KIRREL3: variants seen among roughly 807,000 people sequenced by gnomAD.
The protein encoded by KIRREL3 is kin of IRRE-like protein 3.
Under a neutral mutation model 89.7 loss-of-function variants are expected in KIRREL3, and 36 were observed. That is an observed-to-expected ratio of 0.40 (90% CI 0.31 to 0.53). KIRREL3 has a LOEUF of 0.53. KIRREL3 is among the 20% of genes least tolerant of loss of function. The pLI is 0.49. For missense variants in KIRREL3, 864 were observed against 1,056.6 expected (o/e 0.82, Z 2.53); for synonymous variants, 445 against 441.4 (o/e 1.01, Z -0.10).
rs1956286139 is a variant in KIRREL3, at chr11:126,454,861, G to A, written c.848+1488C>T. Among the ~76,000 whole-genome samples the A allele has an allele frequency of 2.0e-5, 3 of 152,182 alleles. No homozygotes were observed. The South Asian group carries it at 6.2e-4, about 31-fold the overall frequency. On this transcript the variant is annotated intron_variant, in intron 7 of 16. Transcript: ENST00000525144. This position sits in a 1 kb window ranked among gnomAD's most constrained non-coding sequence, Gnocchi z 5.8. ...TCAAGCAAATGGTTAAACTGGACAG[G>A]ACAAATGGGTTTCATCCTATTTAAA...
rs1008172986 is a variant in KIRREL3, at chr11:126,724,869, A to T, written c.56-161957T>A. Among the ~76,000 whole-genome samples, 1 of 152,248 alleles carries T rather than the reference A, an allele frequency of 6.6e-6. No homozygotes were observed. The highest frequency in any genetic ancestry group is 2.4e-5 in the African/African-American group (1 of 41,456). On this transcript the variant is annotated intron_variant, in intron 1 of 16. Transcript: ENST00000525144. The surrounding 1 kb of genome is among the most constrained non-coding windows in gnomAD (Gnocchi z 4.3). ...ACTTTCCTGCATTCCTCTTTATCAT[A>T]GATCAACTTGTCAGTTAGTCATTCA...
intron 1 of KIRREL3, among the ~76,000 whole-genome samples, chr11:126,998,594 T>C (rs1950235908): frequency 6.6e-6 from 1 of 152,124 alleles, no homozygotes; most frequent in Admixed American, 6.5e-5. Flanking sequence ...TTAACCTCCA[T>C]AGGTAAATAT....
intron 1 of KIRREL3, among the ~76,000 whole-genome samples, chr11:126,577,592 C>CAAAAAAA (rs61210940): frequency 1.7e-5 from 2 of 115,974 alleles, no homozygotes; most frequent in African/African-American, 6.7e-5. Flanking sequence ...ACTAAAAATA[C>CAAAAAAA]AAAAAAAAAA....
rs1214147936 is a variant in KIRREL3, at chr11:126,459,787, G to T, written c.743-3333C>A. Among the ~76,000 whole-genome samples, 1 of 152,088 alleles carries T rather than the reference G, an allele frequency of 6.6e-6. No individual in the cohort carries two copies. Among genetic ancestry groups the T allele is most frequent in the Non-Finnish European group, 1.5e-5 (1 of 68,030 alleles). On this transcript the variant is annotated intron_variant, in intron 6 of 16. Coordinates refer to ENST00000525144, the MANE Select transcript of KIRREL3 (RefSeq NM_032531.4). This position sits in a 1 kb window ranked among gnomAD's most constrained non-coding sequence, Gnocchi z 4.8. ...ATGGAGGAGAGGGTGGGAAAAGAGA[G>T]AATCTTCATGACTCAGTGATTTTGT... is the stretch of plus-strand genomic sequence containing the variant.
At chr11:126,548,093 T>C (rs1938960159) in intron 2 of KIRREL3, among the ~76,000 whole-genome samples, 1 of 152,176 alleles carries the variant, frequency 6.6e-6, no homozygotes, top group African/African-American at 2.4e-5. Context: ...CCCTGCTTTT[T>C]TGGAGCCCCT....
chr11:127,002,876 G>A (rs910049971), upstream of KIRREL3: 2 of 152,174 alleles, frequency 1.3e-5, no homozygotes, highest in East Asian at 3.9e-4. Flanking sequence ...GCAATAATCA[G>A]GCACACGTAC....
chr11:126,580,962 G>A (rs1278849357), intron 1 of KIRREL3, among the ~76,000 whole-genome samples: 2 of 151,246 alleles, frequency 1.3e-5, no homozygotes, highest in East Asian at 3.9e-4. Context: ...CAGATCCACT[G>A]CCTATGGTGA....
In KIRREL3 at chr11:126,639,823, T is replaced by A. The variant is rs1416270313; in HGVS notation, c.56-76911A>T. Among the ~76,000 whole-genome samples the A allele has an allele frequency of 1.3e-5, 2 of 152,216 alleles. No homozygotes were observed. Among genetic ancestry groups the A allele is most frequent in the Non-Finnish European group, 2.9e-5 (2 of 68,032 alleles). ...GAAGGAGCTAAACTCATTTCAGGTTTGACCTCTGTGGCTGGGATCTGAGAA... is the reference window on the plus strand; with the variant it reads ...GAAGGAGCTAAACTCATTTCAGGTTAGACCTCTGTGGCTGGGATCTGAGAA... On this transcript the variant is annotated intron_variant, in intron 1 of 16. Coordinates refer to ENST00000525144, the MANE Select transcript of KIRREL3 (RefSeq NM_032531.4). This position sits in a 1 kb window ranked among gnomAD's most constrained non-coding sequence, Gnocchi z 4.3.
Position 126,627,568 on chromosome 11 carries a change from C to T in KIRREL3, c.56-64656G>A, listed in dbSNP as rs948293847. Among the ~76,000 whole-genome samples, 2 of 152,144 alleles carry T rather than the reference C, an allele frequency of 1.3e-5. No homozygotes were observed. Among genetic ancestry groups the T allele is most frequent in the Admixed American group, 6.5e-5 (1 of 15,274 alleles). ...GCTGCCAGTCCAGCTGCCATGTGGC[C>T]GATGTGTCCTACCGTGGTACATCAT... On this transcript the variant is annotated intron_variant, in intron 1 of 16. Coordinates refer to ENST00000525144, the MANE Select transcript of KIRREL3 (RefSeq NM_032531.4). This position sits in a 1 kb window ranked among gnomAD's most constrained non-coding sequence, Gnocchi z 5.0.
At chr11:126,702,065 G>A (rs61897863) in intron 1 of KIRREL3, among the ~76,000 whole-genome samples, 1 of 152,150 alleles carries the variant, frequency 6.6e-6, no homozygotes, top group African/African-American at 2.4e-5. Flanking sequence ...GAGTGGGCCT[G>A]GAGCCAAAGA....
In KIRREL3 at chr11:126,611,767, C is replaced by T. The variant is rs1344711691; in HGVS notation, c.56-48855G>A. Among the ~76,000 whole-genome samples the T allele has an allele frequency of 1.3e-5, 2 of 152,172 alleles. No homozygotes were observed. The highest frequency in any genetic ancestry group is 2.9e-5 in the Non-Finnish European group (2 of 68,028). On this transcript the variant is annotated intron_variant, in intron 1 of 16. Coordinates refer to ENST00000525144, the MANE Select transcript of KIRREL3 (RefSeq NM_032531.4). The surrounding 1 kb of genome is among the most constrained non-coding windows in gnomAD (Gnocchi z 4.7). ...AGAGGCTGTTGGCATGTGGATGCTG[C>T]CTCTGTGATCCACAGCCCCGCCAGG...
In KIRREL3 at chr11:126,425,694, C is replaced by T; in HGVS notation, c.1837G>A (p.Val613Ile). Reference protein sequence around the residue: ...MDRGEFQQDSVLKQLEVLKEE... With the variant: ...MDRGEFQQDSILKQLEVLKEE... ...TTGAGGACCTCCAGCTGTTTCAGGA[C>T]TGAGTCTTGCTGGAATTCACCCCGG... Residue 613 changes from valine to isoleucine, a missense_variant, in exon 16 of 17, where the codon GTC becomes ATC. Physicochemically the swap from Val to Ile is conservative, Grantham distance 29. Transcript: ENST00000525144. 1 of 1,598,314 alleles carries T rather than the reference C, an allele frequency of 6.3e-7. No individual in the cohort carries two copies.
At position 126,766,254 on chromosome 11, in the gene KIRREL3, T is replaced by C. The variant is rs746924636; in HGVS notation, c.56-203342A>G. Among the ~76,000 whole-genome samples, 67 of 152,110 alleles carry C rather than the reference T, an allele frequency of 4.4e-4. No homozygotes were observed. Among genetic ancestry groups the C allele is most frequent in the Non-Finnish European group, 8.4e-4 (57 of 68,012 alleles). On this transcript the variant is annotated intron_variant, in intron 1 of 16. Coordinates refer to ENST00000525144, the MANE Select transcript of KIRREL3 (RefSeq NM_032531.4). The surrounding 1 kb of genome is among the most constrained non-coding windows in gnomAD (Gnocchi z 4.2). ...GTTGGCTGAGAACAGTAGGAGCCCA[T>C]AACAGACAGCATGTCATCCATTCCT...
rs1308655159 is a variant in KIRREL3, at chr11:126,687,958, A to G, written c.56-125046T>C. Among the ~76,000 whole-genome samples the G allele has an allele frequency of 3.3e-5, 5 of 152,264 alleles. No individual in the cohort carries two copies. The highest frequency in any genetic ancestry group is 7.2e-5 in the African/African-American group (3 of 41,476). On this transcript the variant is annotated intron_variant, in intron 1 of 16. Transcript: ENST00000525144. The surrounding 1 kb of genome is among the most constrained non-coding windows in gnomAD (Gnocchi z 4.6). ...GAAATAAAGGGCTGTAGGTGTATCA[A>G]AGGTATTCCAGTGCCAGTTAAATTT...
rs1943882730 is a variant in KIRREL3, at chr11:126,628,436, C to T, written c.56-65524G>A. Reference sequence around the variant, plus strand: ...CCCCCACTGGATTTTGAGCACATGCCTAAACTTTGTACCCATGAGAGCACA... The same window carrying T: ...CCCCCACTGGATTTTGAGCACATGCTTAAACTTTGTACCCATGAGAGCACA... On this transcript the variant is annotated intron_variant, in intron 1 of 16. Transcript: ENST00000525144. The surrounding 1 kb of genome is among the most constrained non-coding windows in gnomAD (Gnocchi z 5.2). 6.6e-6 allele frequency among the ~76,000 whole-genome samples: 1 copy of T among 152,204 alleles called. No homozygotes were observed. The highest frequency in any genetic ancestry group is 2.1e-4 in the South Asian group (1 of 4,824).
intron 4 of KIRREL3, among the ~76,000 whole-genome samples, chr11:126,509,138 G>A (rs12805623): frequency 2.0e-5 from 3 of 152,156 alleles, no homozygotes; most frequent in African/African-American, 7.2e-5. Flanking sequence ...CTAGGCATGA[G>A]CATCTTATCT....
rs1224712545 is a variant in KIRREL3, at chr11:126,778,652, G to A, written c.56-215740C>T. Among the ~76,000 whole-genome samples, 2 of 152,190 alleles carry A rather than the reference G, an allele frequency of 1.3e-5. No homozygotes were observed. The highest frequency in any genetic ancestry group is 2.1e-4 in the South Asian group (1 of 4,828). On this transcript the variant is annotated intron_variant, in intron 1 of 16. Transcript: ENST00000525144. This position sits in a 1 kb window ranked among gnomAD's most constrained non-coding sequence, Gnocchi z 4.5. ...AGAACACAAAAATGCATATGGTACA[G>A]CTTTTGAATGGTGTGATCACATGGC...
rs1376740536 is a variant in KIRREL3 at position 126,898,930 on chromosome 11, G to C, written c.55+101525C>G. Among the ~76,000 whole-genome samples, 1 of 151,718 alleles carries C rather than the reference G, an allele frequency of 6.6e-6. No individual in the cohort carries two copies. The highest frequency in any genetic ancestry group is 1.5e-5 in the Non-Finnish European group (1 of 68,004). On this transcript the variant is annotated intron_variant, in intron 1 of 16. Transcript: ENST00000525144. This position sits in a 1 kb window ranked among gnomAD's most constrained non-coding sequence, Gnocchi z 4.9. ...ACAATCCAGGCCCCCTTTCCCAACT[G>C]TCCTCCAAACCTCCTTTATCCTCTT...
rs1245529467 is a variant in KIRREL3 at position 126,772,484 on chromosome 11, C to T, written c.56-209572G>A. On this transcript the variant is annotated intron_variant, in intron 1 of 16. Transcript: ENST00000525144. This position sits in a 1 kb window ranked among gnomAD's most constrained non-coding sequence, Gnocchi z 4.6. ...TGGCTTCTAACAGCTTTTGACAACT[C>T]TGCTATTCTGATGACCTGAAATGGC... Among the ~76,000 whole-genome samples, 1 of 152,130 alleles carries T rather than the reference C, an allele frequency of 6.6e-6. No individual in the cohort carries two copies. The highest frequency in any genetic ancestry group is 2.4e-5 in the African/African-American group (1 of 41,430).
Sources: gnomAD v4.1 joint callset for allele counts (sites outside exome capture counted in the v4.1 genomes callset) on GRCh38, gnomAD v4.1.1 for gene constraint, Gnocchi (gnomAD v3.1) non-coding constraint, MANE v1.5 for transcripts, NCBI Gene and HGNC (gene_info 2026-07-23, HGNC 2026-07-21) for gene names.